Variants in GAB2 observed in about 807,000 individuals in gnomAD.
The protein encoded by GAB2 is GRB2 associated binding protein 2.
Under a neutral mutation model 65.5 loss-of-function variants are expected in GAB2, and 26 were observed. That is an observed-to-expected ratio of 0.40 (90% confidence interval 0.29 to 0.55). The LOEUF is 0.55. Among genes scored for constraint, GAB2 ranks in the 20% least tolerant of loss-of-function variants. The pLI, the probability that GAB2 is intolerant of heterozygous loss-of-function variation, is 0.53. For missense variants in GAB2, 884 were observed against 875.8 expected, an observed-to-expected ratio of 1.01 and a Z score of -0.12; for synonymous variants, 321 against 329.6, an observed-to-expected ratio of 0.97 and a Z score of 0.28.
intron 3 of GAB2, among the ~76,000 whole-genome samples, chr11:78,246,724 C>T (rs763610464): frequency 6.6e-6 from 1 of 152,130 alleles, no homozygotes; most frequent in Non-Finnish European, 1.5e-5. Context: ...ATCTTCAACT[C>T]CTGACCTCAG....
chr11:78,301,528 T>C (rs1867019435), intron 1 of GAB2, among the ~76,000 whole-genome samples: 1 of 152,176 alleles, frequency 6.6e-6, no homozygotes, highest in African/African-American at 2.4e-5. Context: ...AGACGTGGTT[T>C]CACTGTGTTG....
intron 1 of GAB2, among the ~76,000 whole-genome samples, chr11:78,386,694 G>C (rs567625374): frequency 1.1e-3 from 170 of 152,300 alleles, no homozygotes; most frequent in African/African-American, 3.8e-3. Flanking sequence ...TGACCTCTTA[G>C]CCTTGGTGCA....
intron 1 of GAB2, among the ~76,000 whole-genome samples, chr11:78,379,716 T>C (rs569694898): frequency 1.8e-4 from 27 of 152,356 alleles, no homozygotes; most frequent in Non-Finnish European, 1.0e-4. Flanking sequence ...CACAAGAGTG[T>C]ACTTGGTTGT....
chr11:78,280,977 C>G (rs1866319119), intron 1 of GAB2, 76 bp from the exon 2 acceptor site: 2 of 1,268,376 alleles, frequency 1.6e-6, no homozygotes, highest in Non-Finnish European at 1.1e-6. Context: ...CTTTCAGAGA[C>G]AGGTCTTGCC....
chr11:78,330,763 T>C (rs1855901077), intron 1 of GAB2, among the ~76,000 whole-genome samples: 1 of 152,170 alleles, frequency 6.6e-6, no homozygotes, highest in Non-Finnish European at 1.5e-5. Context: ...CCATATGTTA[T>C]TTTCTTAATG....
rs762375907 is a variant in GAB2, at chr11:78,309,673, A to G, written c.76-28772T>C. Among the ~76,000 whole-genome samples, 38 of 151,966 alleles carry G rather than the reference A, an allele frequency of 2.5e-4. 1 individual carries two copies. Among genetic ancestry groups the G allele is most frequent in the Non-Finnish European group, 4.0e-4 (27 of 67,980 alleles). On this transcript the variant is annotated intron_variant, in intron 1 of 9. Coordinates refer to ENST00000361507, the MANE Select transcript of GAB2 (RefSeq NM_080491.3). ...AAAAAACCTGTCTTGACAGAGCAAC[A>G]ATGATATTCAACTGGTCTCAGCAGT...
chr11:78,259,821 G>A (rs1865685912), intron 2 of GAB2, among the ~76,000 whole-genome samples: 1 of 152,116 alleles, frequency 6.6e-6, no homozygotes, highest in Admixed American at 6.5e-5. Context: ...GGTCAGAAAT[G>A]AACCCTGGAA....
At chr11:78,289,335 C>A (rs1351448482) in intron 1 of GAB2, among the ~76,000 whole-genome samples, 2 of 152,200 alleles carry the variant, frequency 1.3e-5, no homozygotes, top group African/African-American at 4.8e-5. Context: ...TAATCTAAGT[C>A]TCACATCTTA....
intron 2 of GAB2, among the ~76,000 whole-genome samples, chr11:78,261,307 C>G (rs1376192511): frequency 6.6e-6 from 1 of 151,988 alleles, no homozygotes; most frequent in Non-Finnish European, 1.5e-5. Context: ...AAAACAAAAA[C>G]CAGAACCAGA....
intron 1 of GAB2, among the ~76,000 whole-genome samples, chr11:78,323,676 T>C (rs1855768226): frequency 6.6e-6 from 1 of 151,498 alleles, no homozygotes; most frequent in Non-Finnish European, 1.5e-5. Flanking sequence ...GTTGAGAAAC[T>C]ACCTGTTGGG....
At chr11:78,397,037 G>C (rs1439433619) in intron 1 of GAB2, among the ~76,000 whole-genome samples, 4 of 152,160 alleles carry the variant, frequency 2.6e-5, no homozygotes, top group Non-Finnish European at 5.9e-5. Context: ...GTTTAGGCTT[G>C]ACAGGAGTAT....
At chr11:78,416,500 G>A (rs1374586993) in intron 1 of GAB2, among the ~76,000 whole-genome samples, 1 of 152,218 alleles carries the variant, frequency 6.6e-6, no homozygotes, top group East Asian at 1.9e-4. Context: ...CAGAGGGCAG[G>A]GTCTATTCCG....
rs372693456 is a variant in GAB2 at position 78,233,040 on chromosome 11, G to GTTTTTTTTTTTTTTTTTTT, written c.621-5990_621-5989insAAAAAAAAAAAAAAAAAAA. Among the ~76,000 whole-genome samples, 3 of 131,986 alleles carry GTTTTTTTTTTTTTTTTTTT rather than the reference G, an allele frequency of 2.3e-5. 1 individual carries two copies. Among genetic ancestry groups the GTTTTTTTTTTTTTTTTTTT allele is most frequent in the African/African-American group, 9.0e-5 (3 of 33,284 alleles). 86.6% of individuals were successfully genotyped at this position (131,986 alleles called of 152,430 possible). On this transcript the variant is annotated intron_variant, in intron 3 of 9. Transcript: ENST00000361507. The stretch of plus-strand genomic sequence containing the variant: ...ACTTACCAATACCTGGCACTGTTAA[G>GTTTTTTTTTTTTTTTTTTT]TTTTTTTTTTTTTTTTGGTGACAAG...
intron 1 of GAB2, among the ~76,000 whole-genome samples, chr11:78,322,237 G>A (rs910717077): frequency 5.5e-5 from 8 of 145,602 alleles, no homozygotes; most frequent in South Asian, 4.5e-4. Context: ...CCCAGGAGGC[G>A]GAGGTTGCAG....
intron 1 of GAB2, among the ~76,000 whole-genome samples, chr11:78,300,369 T>C (rs906000680): frequency 6.7e-6 from 1 of 149,652 alleles, no homozygotes; most frequent in Non-Finnish European, 1.5e-5. Context: ...ATAAATAAGG[T>C]TGTTTCCAGC....
rs113793150 is a variant in GAB2 at position 78,381,863 on chromosome 11, T to A, written c.75+35783A>T. ...AGGTGGCTGTATCACATATGTGAGG[T>A]CAGGCCATTAAAACCTACACACTTA... On this transcript the variant is annotated intron_variant, in intron 1 of 9. Coordinates refer to ENST00000361507, the MANE Select transcript of GAB2 (RefSeq NM_080491.3). Among the ~76,000 whole-genome samples, 748 of 152,264 alleles carry A rather than the reference T, an allele frequency of 4.9e-3. 6 individuals carry two copies. The highest frequency in any genetic ancestry group is 0.014 in the Middle Eastern group (4 of 294).
chr11:78,335,986 T>C (rs993708112), intron 1 of GAB2, among the ~76,000 whole-genome samples: 2 of 152,148 alleles, frequency 1.3e-5, no homozygotes, highest in African/African-American at 4.8e-5. Flanking sequence ...TTAATTTTAT[T>C]TGTGGCTACT....
intron 1 of GAB2, among the ~76,000 whole-genome samples, chr11:78,287,799 C>T (rs1200751331): frequency 7.1e-6 from 1 of 141,382 alleles, no homozygotes; most frequent in African/African-American, 2.7e-5. Context: ...CAGGTGTGCA[C>T]TGCCACACTG....
chr11:78,342,599 G>A (rs920905214), intron 1 of GAB2, among the ~76,000 whole-genome samples: 12 of 151,930 alleles, frequency 7.9e-5, no homozygotes, highest in African/African-American at 2.2e-4. Flanking sequence ...TAGTAGAGAC[G>A]GGGTTTCACC....
Sources: allele counts gnomAD v4.1 joint callset (sites outside exome capture counted in the v4.1 genomes callset), GRCh38; gene constraint gnomAD v4.1.1; transcripts MANE v1.5; gene names NCBI Gene and HGNC (gene_info 2026-07-23, HGNC 2026-07-21).